Variants in SPHK2 observed in about 807,000 individuals in gnomAD.
SPHK2 encodes the protein sphingosine kinase 2.
A neutral mutation model predicts 32.3 loss-of-function variants in SPHK2; 18 were observed. The observed-to-expected ratio is 0.56, with a 90% CI of 0.39 to 0.83. The LOEUF is 0.83. Among genes scored for constraint, SPHK2 ranks in the 40% least tolerant of loss-of-function variants. The pLI is 0.00. For synonymous variants in SPHK2, 462 were observed against 417.6 expected (o/e 1.11, Z -1.30); for missense variants, 850 against 908.7 (o/e 0.94, Z 0.83).
intron 2 of SPHK2, chr19:48,624,934 G>T: frequency 4.1e-6 from 4 of 986,858 alleles, no homozygotes; most frequent in Non-Finnish European, 4.8e-6. Flanking sequence ...GGACTGGCAG[G>T]TGGCTGGGCG....
At chr19:48,627,459 C>T (rs1426286511) in intron 3 of SPHK2, among the ~76,000 whole-genome samples, 1 of 152,232 alleles carries the variant, frequency 6.6e-6, no homozygotes, top group African/African-American at 2.4e-5. Context: ...CTCTGAACTA[C>T]AGCTCCTCCC....
chr19:48,625,773 T>C, intron 2 of SPHK2, 118 bp from the exon 3 acceptor site: 1 of 1,536,042 alleles, frequency 6.5e-7, no homozygotes, highest in Non-Finnish European at 8.7e-7. Context: ...CTGTCTCTGA[T>C]GCTCCTGTCT....
At chr19:48,620,633 A>AAT in intron 2 of SPHK2, 80 bp downstream of exon 2, 1 of 1,344,140 alleles carries the variant, frequency 7.4e-7, no homozygotes, top group Non-Finnish European at 1.0e-6. Flanking sequence ...AAAAAAAAAA[A>AAT]AAATTGGAGG....
Position 48,628,773 on chromosome 19 carries a change from C to G in SPHK2, c.965C>G (p.Thr322Arg), listed in dbSNP as rs777762872. 6 of 1,613,398 alleles carry G rather than the reference C, an allele frequency of 3.7e-6. No homozygotes were observed. In the East Asian group the frequency reaches 1.3e-4, roughly 36 times the overall value. Reference sequence around the variant, plus strand: ...CACCCACTGGACCTGCTCTCCGTGACGCTGGCCTCGGGCTCCCGCTGTTTC... The same window carrying G: ...CACCCACTGGACCTGCTCTCCGTGAGGCTGGCCTCGGGCTCCCGCTGTTTC... ...GGHPLDLLSV[T>R]LASGSRCFSF... The change falls in exon 7 of 7, where the codon ACG (threonine) becomes AGG (arginine). Residue 322 changes from threonine to arginine, a missense_variant. Physicochemically the swap from Thr to Arg is moderately conservative, Grantham distance 71 (BLOSUM62 -1). Transcript: ENST00000245222. The surrounding 1 kb of genome is among the most constrained non-coding windows in gnomAD (Gnocchi z 5.2).
At chr19:48,625,191 G>T (rs542500042) in intron 2 of SPHK2, 254 of 1,028,514 alleles carry the variant, frequency 2.5e-4, no homozygotes, top group Middle Eastern at 1.5e-3. Flanking sequence ...CTCCATGCCT[G>T]CCTCGTACCC....
At position 48,626,143 on chromosome 19, in the gene SPHK2, T is replaced by A. The variant is rs998107683; in HGVS notation, c.292T>A (p.Ser98Thr). 2 of 1,604,722 alleles carry A rather than the reference T, an allele frequency of 1.2e-6. No individual in the cohort carries two copies. The highest frequency in any genetic ancestry group is 2.7e-5 in the African/African-American group (2 of 74,836). The change falls in exon 3 of 7, where the codon TCA becomes ACA. Residue 98 changes from serine (S) to threonine (T), a missense_variant. Coordinates refer to ENST00000245222, the MANE Select transcript of SPHK2 (RefSeq NM_020126.5). ...TGGCCTGGTCCCGTTGGCCGAGGTC[T>A]CAGGCTGCTGCACCCTGCGAAGCCG... ...RGGLVPLAEV[S>T]GCCTLRSRSP...
At chr19:48,622,051 C>T (rs561395) in intron 2 of SPHK2, among the ~76,000 whole-genome samples, 26,723 of 151,402 alleles carry the variant, frequency 0.18, 2,431 homozygotes, top group East Asian at 0.37. Context: ...GTCAGGAGAT[C>T]GAGACCATCC....
Position 48,628,063 on chromosome 19 carries a change from C to T in SPHK2, c.750C>T (p.Leu250=). Residue 250 remains leucine, a synonymous_variant, in exon 5 of 7, where the codon CTC becomes CTT. Transcript: ENST00000245222. The surrounding 1 kb of genome is among the most constrained non-coding windows in gnomAD (Gnocchi z 5.2). ...TCACGGTCTCGGGAGACGGGCTGCT[C>T]CATGAGGTAGAGCAGGAGCACCCTG... The part of the protein sequence containing the change: ...GIVTVSGDGL[L]HEVLNGLLDR... 6.3e-7 allele frequency: 1 copy of T among 1,588,982 alleles called. No individual in the cohort carries two copies. The highest frequency in any genetic ancestry group is 8.6e-7 in the Non-Finnish European group (1 of 1,163,940).
In SPHK2 at chr19:48,630,335, G is replaced by A; in HGVS notation, c.*562G>A. The A allele has an allele frequency of 1.5e-6, 2 of 1,306,384 alleles. No individual in the cohort carries two copies. The highest frequency in any genetic ancestry group is 2.3e-5 in the South Asian group (1 of 42,728). The allele number at this position is 1,306,384 out of a possible 1,614,324, so 80.9% of individuals were successfully genotyped here. A position where few individuals can be genotyped will look rare whatever the true frequency, so the allele number is the denominator to read the frequency against. On this transcript the variant is annotated 3_prime_UTR_variant, in exon 7 of 7. Coordinates refer to ENST00000245222, the MANE Select transcript of SPHK2 (RefSeq NM_020126.5). The surrounding 1 kb of genome is among the most constrained non-coding windows in gnomAD (Gnocchi z 4.9). ...CATATCCCCTGTTCGTCTCATGCGC[G>A]TCCTCCGTCCCCAATCTAAAAAGCA...
At chr19:48,622,099 CA>C (rs1002181465) in intron 2 of SPHK2, among the ~76,000 whole-genome samples, 4 of 151,458 alleles carry the variant, frequency 2.6e-5, no homozygotes, top group Non-Finnish European at 5.9e-5. Flanking sequence ...ACTAAAAATA[CA>C]AAAAAAATTA....
rs753882507 is a variant in SPHK2, at chr19:48,628,774, G to A, written c.966G>A (p.Thr322=). ...GGHPLDLLSV[T]LASGSRCFSF... ...ACCCACTGGACCTGCTCTCCGTGAC[G>A]CTGGCCTCGGGCTCCCGCTGTTTCT... The change falls in exon 7 of 7, where the codon ACG becomes ACA. Residue 322 remains threonine (T), a synonymous_variant. Coordinates refer to ENST00000245222, the MANE Select transcript of SPHK2 (RefSeq NM_020126.5). This position sits in a 1 kb window ranked among gnomAD's most constrained non-coding sequence, Gnocchi z 5.2. 1.1e-5 allele frequency: 18 copies of A among 1,613,164 alleles called. No homozygotes were observed. The Middle Eastern group carries it at 6.6e-4, about 59-fold the overall frequency.
chr19:48,625,660 G>C (rs995354094), intron 2 of SPHK2: 34 of 1,532,276 alleles, frequency 2.2e-5, no homozygotes, highest in African/African-American at 4.1e-5. Context: ...ACTTACTGGG[G>C]AATAAATGAT....
rs767957568 is a variant in SPHK2, at chr19:48,629,810, T to C, written c.*37T>C. On this transcript the variant is annotated 3_prime_UTR_variant, in exon 7 of 7. Transcript: ENST00000245222. ...CTTGGTACCCGCCGGGGGCGGGGCC[T>C]ACATTCCAATGGGGCGGAGCCTGAG... 22 of 1,525,458 alleles carry C rather than the reference T, an allele frequency of 1.4e-5. No individual in the cohort carries two copies. The South Asian group carries it at 2.8e-4, about 19-fold the overall frequency. The allele number at this position is 1,525,458 out of a possible 1,614,324, so 94.5% of individuals were successfully genotyped here.
chr19:48,626,476 G>A, intron 3 of SPHK2, 114 bp downstream of exon 3: 1 of 1,316,928 alleles, frequency 7.6e-7, no homozygotes. Context: ...GTATCTCTCT[G>A]GATCCGTTAG....
In SPHK2 at chr19:48,626,670, G is replaced by C. The variant is rs892325876; in HGVS notation, c.511+308G>C. The C allele has an allele frequency of 1.5e-5, 4 of 267,706 alleles. No individual in the cohort carries two copies. The Admixed American group carries it at 2.0e-4, about 13-fold the overall frequency. 16.6% of individuals were successfully genotyped at this position (267,706 alleles called of 1,614,324 possible). On this transcript the variant is annotated intron_variant, in intron 3 of 6. Transcript: ENST00000245222. ...TGTCTACTAAAAATACAAAAAATTA[G>C]CCGGGTGTGGTGCTGCGCACCTGTA...
chr19:48,627,299 G>A (rs2029999342), intron 3 of SPHK2, among the ~76,000 whole-genome samples: 1 of 152,218 alleles, frequency 6.6e-6, no homozygotes. Context: ...GACAGGACCA[G>A]GTACCACCCA....
At chr19:48,625,125 G>T in intron 2 of SPHK2, 1 of 991,308 alleles carries the variant, frequency 1.0e-6, no homozygotes, top group African/African-American at 1.7e-5. Flanking sequence ...GCAGGCGCTC[G>T]CATGTGGCTC....
At chr19:48,624,293 C>G (rs1019784775) in intron 2 of SPHK2, 1 of 152,416 alleles carries the variant, frequency 6.6e-6, no homozygotes, top group Non-Finnish European at 1.5e-5. Flanking sequence ...GGCTCCACCC[C>G]CCGCGCCCTC....
chr19:48,622,681 G>A (rs979774170), intron 2 of SPHK2, among the ~76,000 whole-genome samples: 1 of 151,598 alleles, frequency 6.6e-6, no homozygotes, highest in Non-Finnish European at 1.5e-5. Flanking sequence ...CATACTATCT[G>A]GTGCTGTTGC....
Sources: allele counts gnomAD v4.1 joint callset (sites outside exome capture counted in the v4.1 genomes callset), GRCh38; gene constraint gnomAD v4.1.1; non-coding constraint Gnocchi (gnomAD v3.1); transcripts MANE v1.5; gene names NCBI Gene and HGNC (gene_info 2026-07-23, HGNC 2026-07-21).